MAP3K20: variants seen among roughly 807,000 people sequenced by gnomAD.
The protein encoded by MAP3K20 is mitogen-activated protein kinase kinase kinase 20.
In MAP3K20, 40 loss-of-function variants were observed where a neutral mutation model predicts 85.7. The observed-to-expected ratio is 0.47, with a 90% CI of 0.36 to 0.61. The LOEUF (loss-of-function observed/expected upper bound fraction) is 0.61. MAP3K20 is among the 20% of genes least tolerant of loss of function. MAP3K20 has a pLI of 0.00. For missense variants in MAP3K20, 817 were observed against 961.7 expected (o/e 0.85, Z 1.99); for synonymous variants, 325 against 327.7 (o/e 0.99, Z 0.09).
intron 1 of MAP3K20, among the ~76,000 whole-genome samples, chr2:173,085,886 C>T (rs139367040): frequency 0.013 from 1,873 of 143,266 alleles, 22 homozygotes; most frequent in Non-Finnish European, 0.019. Flanking sequence ...ACCTCTGCCT[C>T]TACGGTTCGA....
intron 2 of MAP3K20, among the ~76,000 whole-genome samples, chr2:173,147,802 G>T (rs941382077): frequency 1.3e-5 from 2 of 152,026 alleles, no homozygotes; most frequent in Non-Finnish European, 2.9e-5. Flanking sequence ...GGCCAGGATG[G>T]TCTTGATTTC....
At chr2:173,195,147 A>G (rs1209199711) in intron 7 of MAP3K20, among the ~76,000 whole-genome samples, 1 of 151,580 alleles carries the variant, frequency 6.6e-6, no homozygotes, top group Non-Finnish European at 1.5e-5. Context: ...AAAATCACTG[A>G]AAGAATAAGC....
chr2:173,077,379 CAAAA>C (rs35541382), intron 1 of MAP3K20, among the ~76,000 whole-genome samples: 13 of 96,222 alleles, frequency 1.4e-4, no homozygotes, highest in East Asian at 6.3e-4. Context: ...TTCAATTTTC[CAAAA>C]AAAAAAAAAA....
chr2:173,180,808 A>G (rs1690303180), intron 3 of MAP3K20, among the ~76,000 whole-genome samples: 1 of 152,208 alleles, frequency 6.6e-6, no homozygotes, highest in African/African-American at 2.4e-5. Context: ...AGAAAAATAG[A>G]AAATCTTCAT....
intron 16 of MAP3K20, among the ~76,000 whole-genome samples, chr2:173,248,661 C>T (rs572028592): frequency 6.6e-6 from 1 of 152,212 alleles, no homozygotes; most frequent in Admixed American, 6.5e-5. Context: ...AAGTGTCTAA[C>T]AATGGGAGAA....
At chr2:173,188,447 ACTAT>A (rs1225979260) in intron 5 of MAP3K20, among the ~76,000 whole-genome samples, 1 of 152,220 alleles carries the variant, frequency 6.6e-6, no homozygotes, top group Non-Finnish European at 1.5e-5. Context: ...GAGGAAGCGA[ACTAT>A]CTATTTTTAG....
At chr2:173,206,811 T>C (rs1683701378) in intron 9 of MAP3K20, among the ~76,000 whole-genome samples, 1 of 152,214 alleles carries the variant, frequency 6.6e-6, no homozygotes, top group Admixed American at 6.5e-5. Context: ...TTGCCTGAAG[T>C]AGCCAGACCA....
chr2:173,229,639 C>T (rs1684473891), intron 11 of MAP3K20, 50 bp from the exon 12 acceptor site: 9 of 1,609,134 alleles, frequency 5.6e-6, no homozygotes, highest in Non-Finnish European at 7.6e-6. Flanking sequence ...ACCAAAAAGA[C>T]AATGATAATA....
rs987094697 is a variant in MAP3K20, at chr2:173,223,303, T to C, written c.987+6053T>C. On this transcript the variant is annotated intron_variant, in intron 11 of 19. Coordinates refer to ENST00000375213, the MANE Select transcript of MAP3K20 (RefSeq NM_016653.3). ...TGACAACCTTGGGAAAATTGTTTTA[T>C]CTTTGTGCGTCTGTTTGCTGATCTT... 1.3e-5 allele frequency: 12 copies of C among 941,066 alleles called. No individual in the cohort carries two copies. The African/African-American group carries it at 2.1e-4, about 17-fold the overall frequency. 58.3% of individuals were successfully genotyped at this position (941,066 alleles called of 1,614,324 possible). A position where few individuals can be genotyped will look rare whatever the true frequency, so the allele number is the denominator to read the frequency against.
Position 173,169,818 on chromosome 2 carries a change from G to A in MAP3K20, c.173G>A (p.Ser58Asn). ...TTTTTTGTACAGGCAGAAATACTCA[G>A]TGTCCTCAGTCACAGAAACATCATC... ...LKIEKEAEIL[S>N]VLSHRNIIQF... The change falls in exon 3 of 20, where the codon AGT (serine) becomes AAT (asparagine). Residue 58 changes from serine (S) to asparagine (N), a missense_variant. Physicochemically the swap from Ser to Asn is conservative, Grantham distance 46. Around this residue, in one of 4 missense-constraint regions of MAP3K20, gnomAD observed 200 missense variants for 302.7 expected, o/e 0.66. Transcript: ENST00000375213. 1 of 1,613,580 alleles carries A rather than the reference G, an allele frequency of 6.2e-7. No individual in the cohort carries two copies. Among genetic ancestry groups the A allele is most frequent in the South Asian group, 1.1e-5 (1 of 90,916 alleles).
chr2:173,149,502 G>GT (rs1276143129), intron 2 of MAP3K20, among the ~76,000 whole-genome samples: 5 of 62,138 alleles, frequency 8.0e-5, no homozygotes, highest in African/African-American at 2.1e-4. Flanking sequence ...AAATAAAAAA[G>GT]TTTATTTTTT....
chr2:173,236,480 T>C (rs1425152911), intron 14 of MAP3K20, among the ~76,000 whole-genome samples: 1 of 151,624 alleles, frequency 6.6e-6, no homozygotes, highest in Non-Finnish European at 1.5e-5. Context: ...AATGAAGGAG[T>C]AGCCTGCATC....
chr2:173,239,576 C>A (rs751301818), intron 16 of MAP3K20, 80 bp downstream of exon 16: 14 of 1,207,152 alleles, frequency 1.2e-5, no homozygotes, highest in Non-Finnish European at 1.6e-5. Context: ...TGGTTTTATA[C>A]ACCCCCTACC....
At position 173,075,850 on chromosome 2, in the gene MAP3K20, T is replaced by C. The variant is rs916045424; in HGVS notation, c.-187T>C. ...GCTGTTGCCGTGACTGTCTTCCTCA[T>C]TGGCGCCGTGCAGAGAGGCGGAATG... is the stretch of plus-strand genomic sequence containing the variant. On this transcript the variant is annotated 5_prime_UTR_variant, in exon 1 of 20. Transcript: ENST00000375213. 8.1e-6 allele frequency: 8 copies of C among 985,060 alleles called. No homozygotes were observed. The African/African-American group carries it at 1.0e-4, about 13-fold the overall frequency. The allele number at this position is 985,060 out of a possible 1,614,324, so 61.0% of individuals were successfully genotyped here. A position where few individuals can be genotyped will look rare whatever the true frequency, so the allele number is the denominator to read the frequency against.
chr2:173,265,442 C>T (rs577433599), intron 19 of MAP3K20, among the ~76,000 whole-genome samples: 3 of 152,298 alleles, frequency 2.0e-5, no homozygotes, highest in Non-Finnish European at 4.4e-5. Context: ...GCTGAAAATA[C>T]TTCTTATTCC....
intron 11 of MAP3K20, chr2:173,223,604 C>T: frequency 1.0e-6 from 1 of 985,396 alleles, no homozygotes; most frequent in Non-Finnish European, 1.2e-6. Flanking sequence ...AGAATGTAAG[C>T]TAAACAGATT....
intron 11 of MAP3K20, among the ~76,000 whole-genome samples, chr2:173,228,503 A>G (rs1433046212): frequency 6.6e-6 from 1 of 152,148 alleles, no homozygotes; most frequent in Non-Finnish European, 1.5e-5. Flanking sequence ...TATACCAGAG[A>G]ACTTAGCATT....
chr2:173,198,232 T>G lies in MAP3K20; in HGVS notation c.669+120T>G, dbSNP rs1247680827. 1 of 885,040 alleles carries G rather than the reference T, an allele frequency of 1.1e-6. No individual in the cohort carries two copies. The highest frequency in any genetic ancestry group is 1.7e-6 in the Non-Finnish European group (1 of 578,954). The allele number at this position is 885,040 out of a possible 1,614,324, so 54.8% of individuals were successfully genotyped here. On this transcript the variant is annotated intron_variant, in intron 8 of 19. Coordinates refer to ENST00000375213, the MANE Select transcript of MAP3K20 (RefSeq NM_016653.3). This position sits in a 1 kb window ranked among gnomAD's most constrained non-coding sequence, Gnocchi z 5.8. ...TTCACGCTTATGGAAAGATTAGCAG[T>G]AGGAGCTAACACAAAGGGTCAAAGT...
At chr2:173,265,613 C>T (rs1558918888) in intron 19 of MAP3K20, among the ~76,000 whole-genome samples, 1 of 152,132 alleles carries the variant, frequency 6.6e-6, no homozygotes, top group Non-Finnish European at 1.5e-5. Flanking sequence ...ACTAAACATG[C>T]CCCTGCCACC....
Sources: gnomAD v4.1 joint callset for allele counts (sites outside exome capture counted in the v4.1 genomes callset) on GRCh38, gnomAD v4.1.1 for gene constraint, gnomAD v4.1.1 regional missense constraint, Gnocchi (gnomAD v3.1) non-coding constraint, MANE v1.5 for transcripts, NCBI Gene and HGNC (gene_info 2026-07-23, HGNC 2026-07-21) for gene names.